CGGBP1: variants seen among roughly 807,000 people sequenced by gnomAD.
CGGBP1 encodes the protein CGG triplet repeat-binding protein 1.
Under a neutral mutation model 11.4 loss-of-function variants are expected in CGGBP1, and 4 were observed. The observed-to-expected ratio is 0.35, with a 90% CI of 0.17 to 0.80. CGGBP1 has a LOEUF of 0.80. CGGBP1 is among the 30% of genes least tolerant of loss of function. The pLI is 0.52. For missense variants in CGGBP1, 135 were observed against 202.1 expected (o/e 0.67, Z 2.01); for synonymous variants, 76 against 74.1 (o/e 1.03, Z -0.13).
At chr3:88,114,337 C>T (rs1252695943) in intron 2 of CGGBP1, among the ~76,000 whole-genome samples, 1 of 152,130 alleles carries the variant, frequency 6.6e-6, no homozygotes, top group African/African-American at 2.4e-5. Context: ...ATGGGAACCA[C>T]TGAAATGTTT....
intron 2 of CGGBP1, among the ~76,000 whole-genome samples, chr3:88,093,418 G>T (rs1192996675): frequency 7.9e-5 from 12 of 152,190 alleles, no homozygotes; most frequent in Non-Finnish European, 1.2e-4. Context: ...AGGTAGAGGT[G>T]AGTTATGGGA....
chr3:88,100,824 C>T (rs4241551), intron 2 of CGGBP1, among the ~76,000 whole-genome samples: 6 of 151,832 alleles, frequency 4.0e-5, no homozygotes, highest in African/African-American at 1.2e-4. Flanking sequence ...GTGGGGAAAG[C>T]GGGGAGGGAT....
Position 88,104,147 on chromosome 3 carries a change from A to C in CGGBP1, c.-229+36823T>G, listed in dbSNP as rs565632690. Among the ~76,000 whole-genome samples the C allele has an allele frequency of 5.5e-4, 84 of 152,288 alleles. 2 individuals are homozygous for C. In the South Asian group the frequency reaches 0.016, roughly 29 times the overall value. On this transcript the variant is annotated intron_variant, in intron 2 of 3. Coordinates refer to the CGGBP1 transcript ENST00000462901. Reference sequence around the variant, plus strand: ...AGGTAATTCATTTCTGGCAGGCCTGAACTACAGAAAAATGTTAAAGGGAGT... The same window carrying C: ...AGGTAATTCATTTCTGGCAGGCCTGCACTACAGAAAAATGTTAAAGGGAGT...
intron 2 of CGGBP1, among the ~76,000 whole-genome samples, chr3:88,124,113 TA>T (rs1487011533): frequency 6.6e-6 from 1 of 152,252 alleles, no homozygotes; most frequent in Non-Finnish European, 1.5e-5. Flanking sequence ...ATAAGATATT[TA>T]TTCGAACTGT....
At chr3:88,126,887 C>A in intron 2 of CGGBP1, among the ~76,000 whole-genome samples, 1 of 152,112 alleles carries the variant, frequency 6.6e-6, no homozygotes, top group East Asian at 1.9e-4. Flanking sequence ...TTGTCTTATA[C>A]CCTTACTACC....
intron 2 of CGGBP1, among the ~76,000 whole-genome samples, chr3:88,086,670 C>T (rs1708349920): frequency 6.6e-6 from 1 of 152,158 alleles, no homozygotes; most frequent in South Asian, 2.1e-4. Context: ...TCCAGATTGC[C>T]TTGGGAAGCT....
intron 2 of CGGBP1, chr3:88,140,139 G>A (rs754346339): frequency 1.2e-6 from 2 of 1,613,732 alleles, no homozygotes; most frequent in Non-Finnish European, 1.7e-6. Flanking sequence ...TAATTGCAAC[G>A]AGTCGTTTAA....
intron 2 of CGGBP1, among the ~76,000 whole-genome samples, chr3:88,119,658 A>G (rs1210147389): frequency 6.6e-6 from 1 of 152,048 alleles, no homozygotes; most frequent in Non-Finnish European, 1.5e-5. Flanking sequence ...TGCTAAATCA[A>G]ATTTTATATT....
chr3:88,063,106 G>A (rs1331715973), upstream of CGGBP1, among the ~76,000 whole-genome samples: 7 of 152,170 alleles, frequency 4.6e-5, no homozygotes. Flanking sequence ...GGCAATGTCA[G>A]GAGATAGTTT....
At chr3:88,138,329 T>G (rs892740100) in intron 2 of CGGBP1, among the ~76,000 whole-genome samples, 4 of 152,122 alleles carry the variant, frequency 2.6e-5, no homozygotes, top group African/African-American at 9.7e-5. Flanking sequence ...ATACACATAA[T>G]TTTGACCCTT....
chr3:88,074,467 A>G (rs530478247), intron 2 of CGGBP1, among the ~76,000 whole-genome samples: 82 of 150,706 alleles, frequency 5.4e-4, no homozygotes, highest in African/African-American at 1.9e-3. Context: ...TCAGCCTCCC[A>G]AGTAGCTGGG....
At chr3:88,077,677 A>T (rs1056552832) in intron 2 of CGGBP1, among the ~76,000 whole-genome samples, 11 of 97,048 alleles carry the variant, frequency 1.1e-4, no homozygotes, top group Non-Finnish European at 2.3e-4. Context: ...AGATAAATGA[A>T]ACATGCTGTA....
chr3:88,068,477 T>C (rs1707325541), intron 2 of CGGBP1, among the ~76,000 whole-genome samples: 1 of 152,182 alleles, frequency 6.6e-6, no homozygotes, highest in Admixed American at 6.5e-5. Context: ...ACAAAACATG[T>C]ACAGGTTGTT....
Position 88,106,406 on chromosome 3 carries a change from C to T in CGGBP1, c.-229+34564G>A, listed in dbSNP as rs560201692. On this transcript the variant is annotated intron_variant, in intron 2 of 3. Coordinates refer to the CGGBP1 transcript ENST00000462901. ...AGGCTGGATTGCAGTGGTGTGATCT[C>T]GGCTCACTGCAGCCTCTCCCTCCTG... Among the ~76,000 whole-genome samples the T allele has an allele frequency of 8.5e-4, 129 of 151,446 alleles. 1 individual carries two copies. Among genetic ancestry groups the T allele is most frequent in the Admixed American group, 1.6e-3 (24 of 15,206 alleles).
At chr3:88,068,024 A>T (rs534855052) in intron 2 of CGGBP1, among the ~76,000 whole-genome samples, 3 of 152,274 alleles carry the variant, frequency 2.0e-5, no homozygotes, top group Admixed American at 6.5e-5. Flanking sequence ...AGTAAGGACA[A>T]CACTCAAAGC....
intron 2 of CGGBP1, among the ~76,000 whole-genome samples, chr3:88,134,522 C>T (rs938635973): frequency 1.3e-5 from 2 of 151,948 alleles, no homozygotes; most frequent in African/African-American, 4.8e-5. Flanking sequence ...AAGAATCTAC[C>T]TATGAAATAG....
At chr3:88,121,190 G>A (rs781464519) in intron 2 of CGGBP1, among the ~76,000 whole-genome samples, 8 of 152,112 alleles carry the variant, frequency 5.3e-5, no homozygotes, top group African/African-American at 4.8e-5. Context: ...AATGCCTTCC[G>A]TGAATTATGC....
intron 2 of CGGBP1, among the ~76,000 whole-genome samples, chr3:88,137,118 C>G (rs1250281383): frequency 1.4e-5 from 2 of 145,666 alleles, no homozygotes; most frequent in Non-Finnish European, 3.0e-5. Context: ...TTGCTTGAAC[C>G]CGGGAGGCAG....
At chr3:88,117,086 G>A (rs1336837471) in intron 2 of CGGBP1, among the ~76,000 whole-genome samples, 4 of 152,046 alleles carry the variant, frequency 2.6e-5, no homozygotes, top group Non-Finnish European at 4.4e-5. Flanking sequence ...GGGACAACCC[G>A]AAAGAACATA....
Sources: allele counts gnomAD v4.1 joint callset (sites outside exome capture counted in the v4.1 genomes callset), GRCh38; gene constraint gnomAD v4.1.1; transcripts MANE v1.5; gene names NCBI Gene and HGNC (gene_info 2026-07-23, HGNC 2026-07-21).